RBFOX1: variants seen among roughly 807,000 people sequenced by gnomAD.
RBFOX1 encodes RNA binding protein fox-1 homolog 1.
Under a neutral mutation model 57.7 loss-of-function variants are expected in RBFOX1, and 8 were observed. The observed-to-expected ratio is 0.14, with a 90% confidence interval of 0.08 to 0.25. The LOEUF (loss-of-function observed/expected upper bound fraction) is 0.25. Among genes scored for constraint, RBFOX1 ranks in the 10% least tolerant of loss-of-function variants. RBFOX1 has a pLI of 1.00. For synonymous variants in RBFOX1, 326 were observed against 222.4 expected, an observed-to-expected ratio of 1.47 and a Z score of -4.15; for missense variants, 611 against 548.5, an observed-to-expected ratio of 1.11 and a Z score of -1.14.
At chr16:5,244,323 T>C (rs1434695800) in intron 1 of RBFOX1, among the ~76,000 whole-genome samples, 1 of 152,244 alleles carries the variant, frequency 6.6e-6, no homozygotes, top group African/African-American at 2.4e-5. Context: ...ATCACCCACC[T>C]AGACTGCAGA....
At chr16:5,959,573 C>A (rs2059709726) in intron 4 of RBFOX1, among the ~76,000 whole-genome samples, 1 of 152,092 alleles carries the variant, frequency 6.6e-6, no homozygotes, top group African/African-American at 2.4e-5. Context: ...ATTTAAGTTT[C>A]TGATGAAGGA....
intron 5 of RBFOX1, among the ~76,000 whole-genome samples, chr16:7,534,719 G>A (rs2081064746): frequency 6.6e-6 from 1 of 152,142 alleles, no homozygotes; most frequent in South Asian, 2.1e-4. Context: ...CACAGTAAGG[G>A]TTCCTAGGAT....
intron 5 of RBFOX1, among the ~76,000 whole-genome samples, chr16:7,530,653 G>C (rs147358853): frequency 6.6e-6 from 1 of 152,120 alleles, no homozygotes; most frequent in African/African-American, 2.4e-5. Context: ...CTAACCAGGG[G>C]GTCTGGGTTT....
At chr16:5,841,008 G>C (rs1019154532) in intron 3 of RBFOX1, among the ~76,000 whole-genome samples, 3 of 152,200 alleles carry the variant, frequency 2.0e-5, no homozygotes, top group Non-Finnish European at 4.4e-5. Context: ...AGAATGTGGA[G>C]AAATTACCTT....
At chr16:5,267,908 A>T (rs187564708) in intron 1 of RBFOX1, among the ~76,000 whole-genome samples, 2 of 151,988 alleles carry the variant, frequency 1.3e-5, no homozygotes, top group Non-Finnish European at 2.9e-5. Context: ...ATGATGAAAC[A>T]TCTCTACTAA....
chr16:7,415,617 C>T (rs1229085456), intron 4 of RBFOX1, among the ~76,000 whole-genome samples: 1 of 152,098 alleles, frequency 6.6e-6, no homozygotes, highest in African/African-American at 2.4e-5. Context: ...TTATTAAGAA[C>T]ACAGTAGGTT....
At position 6,761,494 on chromosome 16, in the gene RBFOX1, A is replaced by C. The variant is rs117451768; in HGVS notation, c.-16+106844A>C. Among the ~76,000 whole-genome samples the C allele has an allele frequency of 4.6e-3, 513 of 112,490 alleles. 22 individuals carry two copies. In the East Asian group the frequency reaches 0.11, roughly 25 times the overall value. 73.8% of individuals were successfully genotyped at this position (112,490 alleles called of 152,430 possible). A position where few individuals can be genotyped will look rare whatever the true frequency, so the allele number is the denominator to read the frequency against. Reference sequence around the variant, plus strand: ...CCAGGTAATAGTTTTCCTTTCTCCCAATCTCCTTTTTTTTTTTTTTTTTTT... The same window carrying C: ...CCAGGTAATAGTTTTCCTTTCTCCCCATCTCCTTTTTTTTTTTTTTTTTTT... On this transcript the variant is annotated intron_variant, in intron 3 of 15. Transcript: ENST00000550418.
At chr16:7,091,047 C>A (rs1013333003) in intron 4 of RBFOX1, among the ~76,000 whole-genome samples, 1 of 152,204 alleles carries the variant, frequency 6.6e-6, no homozygotes, top group Admixed American at 6.5e-5. Flanking sequence ...AATTCCTCTG[C>A]CACTCAAGTC....
intron 1 of RBFOX1, among the ~76,000 whole-genome samples, chr16:5,404,042 G>A (rs1334236738): frequency 3.4e-5 from 5 of 148,218 alleles, no homozygotes; most frequent in Non-Finnish European, 7.4e-5. Context: ...GGACAGAATG[G>A]GTGGAAAGCA....
Position 7,180,085 on chromosome 16 carries a change from A to C in RBFOX1, c.27+127987A>C, listed in dbSNP as rs916841842. 2.0e-5 allele frequency among the ~76,000 whole-genome samples: 3 copies of C among 152,158 alleles called. No homozygotes were observed. In the East Asian group the frequency reaches 5.8e-4, roughly 29 times the overall value. ...ACAGAGCCTGCTTTTCTCAGAGAAA[A>C]TATTTCTTCTTTTGTCCACAGCAGC... On this transcript the variant is annotated intron_variant, in intron 4 of 15. Transcript: ENST00000550418.
intron 4 of RBFOX1, among the ~76,000 whole-genome samples, chr16:7,484,737 G>A (rs534597747): frequency 6.6e-6 from 1 of 152,330 alleles, no homozygotes; most frequent in South Asian, 2.1e-4. Flanking sequence ...GTTCTGGGAT[G>A]ACAGGCATAA....
intron 4 of RBFOX1, among the ~76,000 whole-genome samples, chr16:7,085,260 C>A (rs1353003150): frequency 6.6e-6 from 1 of 152,068 alleles, no homozygotes; most frequent in Non-Finnish European, 1.5e-5. Context: ...AGAACTGGAA[C>A]ATGTTTGTCA....
chr16:7,163,637 T>A, intron 4 of RBFOX1, among the ~76,000 whole-genome samples: 1 of 152,208 alleles, frequency 6.6e-6, no homozygotes, highest in African/African-American at 2.4e-5. Flanking sequence ...GTTTTATTTA[T>A]GTGTTTTTCT....
At chr16:6,287,855 A>T (rs543917494) in intron 1 of RBFOX1, among the ~76,000 whole-genome samples, 1 of 152,288 alleles carries the variant, frequency 6.6e-6, no homozygotes, top group Non-Finnish European at 1.5e-5. Flanking sequence ...GATCTTTAGG[A>T]AATACTGGTA....
intron 3 of RBFOX1, among the ~76,000 whole-genome samples, chr16:6,752,177 A>C (rs959517283): frequency 6.6e-6 from 1 of 152,176 alleles, no homozygotes; most frequent in Non-Finnish European, 1.5e-5. Flanking sequence ...TAGTCTGCAT[A>C]TTTCTTGTAG....
At chr16:7,490,986 A>G (rs1599818368) in intron 4 of RBFOX1, among the ~76,000 whole-genome samples, 2 of 152,268 alleles carry the variant, frequency 1.3e-5, no homozygotes, top group Non-Finnish European at 1.5e-5. Context: ...TCTTCATCAT[A>G]GCACCCTTGG....
intron 4 of RBFOX1, among the ~76,000 whole-genome samples, chr16:7,468,407 G>A (rs1370214980): frequency 1.3e-5 from 2 of 151,418 alleles, no homozygotes; most frequent in African/African-American, 2.4e-5. Context: ...ATAAACTCAC[G>A]CTGCTACTTG....
intron 4 of RBFOX1, among the ~76,000 whole-genome samples, chr16:7,362,439 G>C (rs543222918): frequency 1.3e-5 from 2 of 151,508 alleles, no homozygotes; most frequent in Admixed American, 6.6e-5. Context: ...TGTGTGTTCT[G>C]CGTGTACGTA....
chr16:5,369,890 C>G (rs929164025), intron 1 of RBFOX1, among the ~76,000 whole-genome samples: 1 of 152,084 alleles, frequency 6.6e-6, no homozygotes, highest in Non-Finnish European at 1.5e-5. Context: ...ACCACAATTA[C>G]TTTTGCACCA....
Sources: allele counts gnomAD v4.1 joint callset (sites outside exome capture counted in the v4.1 genomes callset), GRCh38; gene constraint gnomAD v4.1.1; transcripts MANE v1.5; gene names NCBI Gene and HGNC (gene_info 2026-07-23, HGNC 2026-07-21).